The following DCUN1D4 variants were observed in gnomAD, a reference collection of about 807,000 sequenced individuals.
The protein encoded by DCUN1D4 is DCN1-like protein 4.
Under a neutral mutation model 47.9 loss-of-function variants are expected in DCUN1D4, and 22 were observed. The ratio of observed to expected loss-of-function variants is 0.46; its 90% CI spans 0.33 to 0.66. DCUN1D4 has a LOEUF of 0.66. Among genes scored for constraint, DCUN1D4 ranks in the 30% least tolerant of loss-of-function variants. DCUN1D4 has a pLI of 0.02. For synonymous variants in DCUN1D4, 121 were observed against 112.2 expected, an observed-to-expected ratio of 1.08 and a Z score of -0.50; for missense variants, 301 against 340.8, an observed-to-expected ratio of 0.88 and a Z score of 0.92.
chr4:51,843,131 G>A (rs553641879), upstream of DCUN1D4: 246 of 1,494,562 alleles, frequency 1.6e-4, no homozygotes, highest in African/African-American at 3.2e-3. Context: ...GGCGGGCTGG[G>A]AGTGCCCGGC....
chr4:51,844,827 T>G (rs1577808289), intron 1 of DCUN1D4: 3 of 985,162 alleles, frequency 3.0e-6, no homozygotes, highest in Non-Finnish European at 3.6e-6. Context: ...TGGGTGCACG[T>G]GGGTAACTGT....
intron 7 of DCUN1D4, among the ~76,000 whole-genome samples, chr4:51,898,371 AC>A (rs1223816604): frequency 6.6e-6 from 1 of 152,112 alleles, no homozygotes; most frequent in Non-Finnish European, 1.5e-5. Flanking sequence ...GGGCAGACTT[AC>A]CGCTAGTGGA....
At chr4:51,887,952 T>A (rs1729773743) in intron 6 of DCUN1D4, among the ~76,000 whole-genome samples, 1 of 151,432 alleles carries the variant, frequency 6.6e-6, no homozygotes, top group Admixed American at 6.6e-5. Flanking sequence ...TTTCAATAAA[T>A]TACCCAACTT....
At position 51,890,283 on chromosome 4, in the gene DCUN1D4, A is replaced by G. The variant is rs1017749071; in HGVS notation, c.415-1477A>G. ...GCCTCATGTTTCATGTTTTTATGTCATCTTAGTTCCTTTCACCATAGCCGC... is the reference window on the plus strand; with the variant it reads ...GCCTCATGTTTCATGTTTTTATGTCGTCTTAGTTCCTTTCACCATAGCCGC... On this transcript the variant is annotated intron_variant, in intron 6 of 10. Transcript: ENST00000334635. Among the ~76,000 whole-genome samples the G allele has an allele frequency of 2.0e-5, 3 of 152,118 alleles. No homozygotes were observed. In the South Asian group the frequency reaches 6.2e-4, roughly 32 times the overall value.
intron 3 of DCUN1D4, among the ~76,000 whole-genome samples, chr4:51,871,500 C>A (rs1163051141): frequency 6.6e-6 from 1 of 152,112 alleles, no homozygotes; most frequent in Non-Finnish European, 1.5e-5. Flanking sequence ...CAGTGTTCCT[C>A]TTCTTATGGA....
intron 6 of DCUN1D4, chr4:51,887,156 A>C: frequency 2.2e-6 from 1 of 450,304 alleles, no homozygotes; most frequent in Non-Finnish European, 4.5e-6. Flanking sequence ...GCTGGAGTGC[A>C]ATGGTATGAT....
chr4:51,863,853 A>G (rs1034991569), intron 3 of DCUN1D4, 144 bp downstream of exon 3: 1 of 832,956 alleles, frequency 1.2e-6, no homozygotes, highest in Non-Finnish European at 1.8e-6. Context: ...TCAGGGAGTA[A>G]TGAAGGCAGC....
intron 3 of DCUN1D4, chr4:51,865,328 T>G (rs1385848180): frequency 4.7e-6 from 1 of 213,102 alleles, no homozygotes; most frequent in African/African-American, 2.3e-5. Context: ...GAGCTCTATC[T>G]AAATGTCTGT....
intron 1 of DCUN1D4, among the ~76,000 whole-genome samples, chr4:51,856,550 G>A (rs1724174451): frequency 6.6e-6 from 1 of 152,148 alleles, no homozygotes; most frequent in Admixed American, 6.5e-5. Context: ...CTATTACAGA[G>A]TGTAAAGTTA....
At chr4:51,867,681 G>A (rs1726177585) in intron 3 of DCUN1D4, among the ~76,000 whole-genome samples, 1 of 152,188 alleles carries the variant, frequency 6.6e-6, no homozygotes. Flanking sequence ...GGTTTCAGAG[G>A]GGAGAAAGCA....
intron 10 of DCUN1D4, 23 bp downstream of exon 10, chr4:51,913,415 T>G (rs2110150430): frequency 6.3e-7 from 1 of 1,593,008 alleles, no homozygotes; most frequent in Admixed American, 1.7e-5. Flanking sequence ...GCTACCATTC[T>G]GCCATTCGTG....
chr4:51,863,505 C>T lies in DCUN1D4; in HGVS notation c.94C>T (p.Leu32=). The T allele has an allele frequency of 6.2e-7, 1 of 1,610,086 alleles. No homozygotes were observed. Among genetic ancestry groups the T allele is most frequent in the South Asian group, 1.1e-5 (1 of 90,612 alleles). The change falls in exon 2 of 11, where the codon CTG becomes TTG. Residue 32 remains leucine, a splice_region_variant and synonymous_variant. Coordinates refer to ENST00000334635, the MANE Select transcript of DCUN1D4 (RefSeq NM_001040402.3). ...IHKIYHTLNK[L]NLTEDIGQDD... ...TAAGATCTACCACACCCTTAATAAG[C>T]TGGTAAGTCATTCTTTTAAAGACAA...
At chr4:51,906,409 G>T (rs1243620215) in intron 8 of DCUN1D4, among the ~76,000 whole-genome samples, 1 of 152,204 alleles carries the variant, frequency 6.6e-6, no homozygotes, top group Non-Finnish European at 1.5e-5. Flanking sequence ...TGTTATCAGA[G>T]AAATCCTCTT....
intron 1 of DCUN1D4, chr4:51,860,560 G>A (rs1724888489): frequency 2.2e-6 from 1 of 454,856 alleles, no homozygotes; most frequent in African/African-American, 2.0e-5. Flanking sequence ...AGGAAGTATG[G>A]TGCTGGCATC....
intron 3 of DCUN1D4, among the ~76,000 whole-genome samples, chr4:51,866,961 C>T (rs1577905875): frequency 6.6e-6 from 1 of 152,316 alleles, no homozygotes; most frequent in South Asian, 2.1e-4. Flanking sequence ...ACTCAGTTCT[C>T]ACTACTGGCC....
At chr4:51,835,526 T>C in the DCUN1D4 span, among the ~76,000 whole-genome samples, 1 of 152,150 alleles carries the variant, frequency 6.6e-6, no homozygotes, top group Non-Finnish European at 1.5e-5. Flanking sequence ...GAGGTTGTGG[T>C]GATGGTGCTT....
rs1294303178 is a variant in DCUN1D4, at chr4:51,913,335, C to G, written c.766C>G (p.Leu256Val). Residue 256 changes from leucine to valine, a missense_variant, in exon 10 of 11, where the codon CTA becomes GTA. Physicochemically the swap from Leu to Val is conservative, Grantham distance 32 (BLOSUM62 1). Coordinates refer to ENST00000334635, the MANE Select transcript of DCUN1D4 (RefSeq NM_001040402.3). Reference protein sequence around the residue: ...VINKDQWCNVLEFSRTINLDL... With the variant: ...VINKDQWCNVVEFSRTINLDL... Reference sequence around the variant, plus strand: ...TAATAAAGACCAGTGGTGCAATGTCCTAGAGTTTAGCAGAACAATTAATCT... The same window carrying G: ...TAATAAAGACCAGTGGTGCAATGTCGTAGAGTTTAGCAGAACAATTAATCT... The G allele has an allele frequency of 6.2e-7, 1 of 1,612,702 alleles. No homozygotes were observed. The highest frequency in any genetic ancestry group is 1.7e-5 in the Admixed American group (1 of 59,916).
At chr4:51,848,329 C>T in intron 1 of DCUN1D4, 5 of 1,285,884 alleles carry the variant, frequency 3.9e-6, no homozygotes, top group South Asian at 1.2e-5. Context: ...TCTCTCGTGT[C>T]AGCGTCCTAC....
chr4:51,834,127 T>TTTTTTTTTTTTTTTTTTAA, the DCUN1D4 span, among the ~76,000 whole-genome samples: 1 of 145,436 alleles, frequency 6.9e-6, no homozygotes, highest in African/African-American at 2.6e-5. Flanking sequence ...TTTTTTTTTT[T>TTTTTTTTTTTTTTTTTTAA]TGCTGTAAAT....
Sources: allele counts gnomAD v4.1 joint callset (sites outside exome capture counted in the v4.1 genomes callset), GRCh38; gene constraint gnomAD v4.1.1; transcripts MANE v1.5; gene names NCBI Gene and HGNC (gene_info 2026-07-23, HGNC 2026-07-21).